The following BCAT1 variants were observed in gnomAD, a reference collection of about 807,000 sequenced individuals.
BCAT1 encodes the protein branched-chain-amino-acid aminotransferase, cytosolic.
BCAT1 carries 48 observed loss-of-function variants against 52.4 expected under a neutral mutation model. The observed-to-expected ratio is 0.92, with a 90% confidence interval of 0.73 to 1.16. The LOEUF is 1.16. BCAT1 is among the 50% of genes most tolerant of loss of function. The pLI is 0.00. For synonymous variants in BCAT1, 167 were observed against 161.3 expected (o/e 1.04, Z -0.27); for missense variants, 451 against 457.1 (o/e 0.99, Z 0.12).
intron 2 of BCAT1, among the ~76,000 whole-genome samples, chr12:24,899,200 C>T (rs1176416247): frequency 1.3e-5 from 2 of 152,180 alleles, no homozygotes; most frequent in Non-Finnish European, 2.9e-5. Context: ...TGCAAAACTG[C>T]ATCCTCATGT....
intron 3 of BCAT1, among the ~76,000 whole-genome samples, chr12:24,893,252 TAAC>T (rs1942887010): frequency 6.6e-6 from 1 of 152,240 alleles, no homozygotes; most frequent in Admixed American, 6.5e-5. Flanking sequence ...TTATTATTGC[TAAC>T]AACTGGGCTC....
chr12:24,894,643 C>T (rs1942919461), intron 2 of BCAT1, among the ~76,000 whole-genome samples, 168 bp from the exon 3 acceptor site: 3 of 152,058 alleles, frequency 2.0e-5, no homozygotes, highest in African/African-American at 7.2e-5. Context: ...ATTCAGAATT[C>T]GGCCAGTTAT....
chr12:24,894,765 C>T (rs1942922589), intron 2 of BCAT1, among the ~76,000 whole-genome samples: 1 of 152,144 alleles, frequency 6.6e-6, no homozygotes, highest in Admixed American at 6.5e-5. Flanking sequence ...AAAAAGAATA[C>T]AACCCTTTTT....
chr12:24,912,699 TAAA>T (rs10531528), intron 1 of BCAT1, among the ~76,000 whole-genome samples: 186 of 135,466 alleles, frequency 1.4e-3, no homozygotes, highest in Middle Eastern at 3.6e-3. Flanking sequence ...ACCCCATCTC[TAAA>T]AAAAAAAAAA....
intron 5 of BCAT1, among the ~76,000 whole-genome samples, chr12:24,873,549 A>C (rs1412830079): frequency 6.6e-6 from 1 of 152,210 alleles, no homozygotes; most frequent in African/African-American, 2.4e-5. Context: ...GTATTTATGT[A>C]TTATAGGCTA....
At chr12:24,917,216 T>G (rs978055419) in intron 1 of BCAT1, among the ~76,000 whole-genome samples, 8 of 136,212 alleles carry the variant, frequency 5.9e-5, no homozygotes, top group African/African-American at 1.8e-4. Context: ...TTTTTTTTTT[T>G]TTTTGAGGCT....
intron 1 of BCAT1, among the ~76,000 whole-genome samples, chr12:24,924,942 A>G (rs1447331863): frequency 6.6e-6 from 1 of 152,180 alleles, no homozygotes; most frequent in Non-Finnish European, 1.5e-5. Context: ...AAGGTTAACC[A>G]TTGGGTGAAT....
chr12:24,869,707 AAAG>A (rs1942127348), intron 5 of BCAT1, among the ~76,000 whole-genome samples: 1 of 152,210 alleles, frequency 6.6e-6, no homozygotes, highest in African/African-American at 2.4e-5. Context: ...GGGGGGACAT[AAAG>A]AAGGAAGTGC....
At position 24,902,025 on chromosome 12, in the gene BCAT1, A is replaced by G. The variant is rs1019626129; in HGVS notation, c.7-140T>C. 3.8e-6 allele frequency: 6 copies of G among 1,571,624 alleles called. No individual in the cohort carries two copies. The African/African-American group carries it at 8.1e-5, about 21-fold the overall frequency. The stretch of plus-strand genomic sequence containing the variant: ...CACAAAAAAGGAGGCTCAGACAACC[A>G]AGCACCCAGGCCCGAACCTCCAACA... On this transcript the variant is annotated intron_variant, in intron 1 of 10. Coordinates refer to ENST00000261192, the MANE Select transcript of BCAT1 (RefSeq NM_005504.7).
chr12:24,936,747 A>T, intron 1 of BCAT1, among the ~76,000 whole-genome samples: 1 of 75,468 alleles, frequency 1.3e-5, no homozygotes, highest in African/African-American at 3.7e-5. Context: ...ACACATACAC[A>T]CACACATACA....
At chr12:24,938,977 C>A (rs1204935000) in intron 1 of BCAT1, among the ~76,000 whole-genome samples, 1 of 152,076 alleles carries the variant, frequency 6.6e-6, no homozygotes, top group African/African-American at 2.4e-5. Flanking sequence ...CAGGTTCAAG[C>A]AATTATCTGC....
intron 1 of BCAT1, among the ~76,000 whole-genome samples, chr12:24,922,382 A>T (rs1363317838): frequency 6.6e-6 from 1 of 152,182 alleles, no homozygotes; most frequent in Non-Finnish European, 1.5e-5. Flanking sequence ...ATAACCACCC[A>T]CTGTATGACT....
intron 1 of BCAT1, among the ~76,000 whole-genome samples, chr12:24,927,736 A>G (rs939124471): frequency 6.6e-6 from 1 of 152,260 alleles, no homozygotes; most frequent in African/African-American, 2.4e-5. Flanking sequence ...TAGAGAATCC[A>G]GGTGTTTCCA....
chr12:24,870,896 G>A (rs1216530553), intron 5 of BCAT1, among the ~76,000 whole-genome samples: 1 of 152,092 alleles, frequency 6.6e-6, no homozygotes, highest in Non-Finnish European at 1.5e-5. Context: ...AGTGGTGCAC[G>A]CCTGTAGTCC....
chr12:24,901,967 A>G (rs1004767579), intron 1 of BCAT1, 82 bp from the exon 2 acceptor site: 9 of 1,610,900 alleles, frequency 5.6e-6, no homozygotes, highest in Admixed American at 1.7e-5. Flanking sequence ...GCTCACCATG[A>G]TACCGTGCGC....
intron 5 of BCAT1, among the ~76,000 whole-genome samples, chr12:24,852,984 G>C (rs940444870): frequency 6.6e-6 from 1 of 152,230 alleles, no homozygotes; most frequent in African/African-American, 2.4e-5. Context: ...TAGGCAGAAA[G>C]AGAGGAAGAG....
rs759527512 is a variant in BCAT1, at chr12:24,811,188, G to C, written c.*6820C>G. ...AAGAAACATATTGAATCTCTATCCA[G>C]TGGTGTGGTTTCTGGTCTTTCTGGT... On this transcript the variant is annotated 3_prime_UTR_variant, in exon 11 of 11. Transcript: ENST00000261192. 1 of 152,132 alleles carries C rather than the reference G, an allele frequency of 6.6e-6. No homozygotes were observed. Among genetic ancestry groups the C allele is most frequent in the Non-Finnish European group, 1.5e-5 (1 of 68,008 alleles). The allele number at this position is 152,132 out of a possible 1,614,324, so 9.4% of individuals were successfully genotyped here.
At chr12:24,923,380 T>G (rs1304455952) in intron 1 of BCAT1, among the ~76,000 whole-genome samples, 1 of 152,160 alleles carries the variant, frequency 6.6e-6, no homozygotes, top group African/African-American at 2.4e-5. Context: ...GGGCTGTCAC[T>G]GAGCAAGGGA....
At chr12:24,834,912 T>C (rs1387624630) in intron 8 of BCAT1, 1 of 444,742 alleles carries the variant, frequency 2.2e-6, no homozygotes, top group Non-Finnish European at 3.0e-6. Context: ...TGGCAAATAG[T>C]GGTGACCCCC....
Sources: allele counts gnomAD v4.1 joint callset (sites outside exome capture counted in the v4.1 genomes callset), GRCh38; gene constraint gnomAD v4.1.1; transcripts MANE v1.5; gene names NCBI Gene and HGNC (gene_info 2026-07-23, HGNC 2026-07-21).